NTRK2: variants seen among roughly 807,000 people sequenced by gnomAD.
NTRK2 encodes the protein BDNF/NT-3 growth factors receptor.
In NTRK2, 13 loss-of-function variants were observed where a neutral mutation model predicts 94.5. The observed-to-expected ratio is 0.14, with a 90% CI of 0.09 to 0.22. The LOEUF (loss-of-function observed/expected upper bound fraction) is 0.22, where lower values mean the gene tolerates loss of function less well. NTRK2 is among the 10% of genes least tolerant of loss of function. NTRK2 has a pLI of 1.00. For synonymous variants in NTRK2, 372 were observed against 407.4 expected (o/e 0.91, Z 1.05); for missense variants, 639 against 1,071.2 (o/e 0.60, Z 5.63).
chr9:84,945,568 C>T (rs1232337096), intron 15 of NTRK2, among the ~76,000 whole-genome samples: 2 of 152,160 alleles, frequency 1.3e-5, no homozygotes, highest in Non-Finnish European at 2.9e-5. Context: ...GAGATAAGCA[C>T]ATCACTTCTC....
intron 12 of NTRK2, among the ~76,000 whole-genome samples, chr9:84,781,812 T>C (rs1430106666): frequency 1.3e-5 from 2 of 151,884 alleles, no homozygotes; most frequent in Admixed American, 1.3e-4. Flanking sequence ...ATTGGGAGGG[T>C]CAAAACATTC....
chr9:84,914,867 A>G (rs2077347873), intron 14 of NTRK2, among the ~76,000 whole-genome samples: 1 of 152,062 alleles, frequency 6.6e-6, no homozygotes, highest in Non-Finnish European at 1.5e-5. Context: ...CCTTCTCTTC[A>G]CCTTTCAGTC....
intron 8 of NTRK2, 109 bp from the exon 9 acceptor site, chr9:84,727,545 C>T: frequency 9.0e-7 from 1 of 1,107,810 alleles, no homozygotes; most frequent in Non-Finnish European, 1.3e-6. Flanking sequence ...ATGTGTTTTT[C>T]TAAGCCAAAC....
intron 17 of NTRK2, among the ~76,000 whole-genome samples, chr9:84,983,270 G>A (rs1827874274): frequency 6.6e-6 from 1 of 152,176 alleles, no homozygotes; most frequent in African/African-American, 2.4e-5. Flanking sequence ...AGCATAAGGT[G>A]AGGCATACAA....
intron 17 of NTRK2, among the ~76,000 whole-genome samples, chr9:84,998,389 G>C (rs1210849798): frequency 1.3e-5 from 2 of 152,116 alleles, no homozygotes; most frequent in Non-Finnish European, 2.9e-5. Flanking sequence ...AGCTGCACCG[G>C]CCCAGGTCTA....
intron 12 of NTRK2, chr9:84,812,911 C>T: frequency 9.7e-7 from 1 of 1,033,308 alleles, no homozygotes; most frequent in South Asian, 4.6e-5. Flanking sequence ...ATGAAAACAG[C>T]AGGCTATTAG....
At chr9:84,834,792 A>G (rs777190721) in intron 12 of NTRK2, among the ~76,000 whole-genome samples, 3 of 152,184 alleles carry the variant, frequency 2.0e-5, no homozygotes, top group Non-Finnish European at 2.9e-5. Flanking sequence ...CTGTGCTGTC[A>G]TATAGCTTAG....
intron 14 of NTRK2, among the ~76,000 whole-genome samples, chr9:84,894,367 C>T (rs756658740): frequency 1.1e-4 from 17 of 152,190 alleles, no homozygotes; most frequent in East Asian, 1.9e-4. Context: ...TAGCTTTGTG[C>T]GTTATTGGGA....
chr9:84,837,142 A>G (rs774017091), intron 12 of NTRK2, among the ~76,000 whole-genome samples: 16 of 152,170 alleles, frequency 1.1e-4, no homozygotes, highest in Non-Finnish European at 1.8e-4. Flanking sequence ...TTGAGTGTCT[A>G]TACCATGTCA....
At chr9:84,755,193 G>T (rs1233720458) in intron 12 of NTRK2, among the ~76,000 whole-genome samples, 1 of 152,182 alleles carries the variant, frequency 6.6e-6, no homozygotes, top group Non-Finnish European at 1.5e-5. Context: ...GGGTCTGCAG[G>T]TCTGTAAGCT....
At chr9:84,920,667 C>G (rs983139895) in intron 14 of NTRK2, among the ~76,000 whole-genome samples, 1 of 152,210 alleles carries the variant, frequency 6.6e-6, no homozygotes, top group Non-Finnish European at 1.5e-5. Context: ...GCCCCCATCT[C>G]CCTTCCAGAA....
intron 2 of NTRK2, among the ~76,000 whole-genome samples, chr9:84,694,233 G>A (rs907078528): frequency 3.9e-5 from 6 of 152,238 alleles, no homozygotes; most frequent in Admixed American, 3.9e-4. Context: ...CCCCAGTTTT[G>A]TCTTCTGAAA....
In NTRK2 at chr9:85,003,211, G is replaced by A. The variant is rs561828213; in HGVS notation, c.2173-16995G>A. Among the ~76,000 whole-genome samples the A allele has an allele frequency of 2.6e-3, 393 of 152,296 alleles. 2 individuals are homozygous for A. Among genetic ancestry groups the A allele is most frequent in the Admixed American group, 5.0e-3 (77 of 15,304 alleles). ...TAAAAAGGGATGCAGTGCATTCCTG[G>A]AGGCCAGCATGGAGGAAGCAGTCAT... On this transcript the variant is annotated intron_variant, in intron 17 of 18. Coordinates refer to ENST00000277120, the MANE Select transcript of NTRK2 (RefSeq NM_006180.6).
intron 17 of NTRK2, among the ~76,000 whole-genome samples, chr9:85,013,667 T>C (rs1831890082): frequency 6.6e-6 from 1 of 152,200 alleles, no homozygotes; most frequent in Non-Finnish European, 1.5e-5. Flanking sequence ...GGTTCATGAA[T>C]TTTTAAGGAA....
intron 9 of NTRK2, among the ~76,000 whole-genome samples, chr9:84,735,325 AC>A (rs2063178621): frequency 6.6e-6 from 1 of 152,164 alleles, no homozygotes; most frequent in Admixed American, 6.5e-5. Flanking sequence ...ACTCCTGGGG[AC>A]CCTGTTAAAA....
intron 12 of NTRK2, among the ~76,000 whole-genome samples, chr9:84,793,207 C>T (rs2068911440): frequency 6.6e-6 from 1 of 151,906 alleles, no homozygotes; most frequent in African/African-American, 2.4e-5. Context: ...GCCCACTTTG[C>T]TATTTTCAAA....
intron 15 of NTRK2, among the ~76,000 whole-genome samples, chr9:84,937,322 G>T (rs1289449627): frequency 6.6e-6 from 1 of 152,184 alleles, no homozygotes; most frequent in African/African-American, 2.4e-5. Flanking sequence ...CTGCTGCATT[G>T]ATTATGCATG....
chr9:84,727,979 G>A lies in NTRK2; in HGVS notation c.1159+20G>A, dbSNP rs536698982. On this transcript the variant is annotated intron_variant, in intron 9 of 18. Coordinates refer to ENST00000277120, the MANE Select transcript of NTRK2 (RefSeq NM_006180.6). Reference sequence around the variant, plus strand: ...ACGATGGTGAGTAACTGACACTTTTGTATGTGGGGAGAAGATAAAGTCTAT... The same window carrying A: ...ACGATGGTGAGTAACTGACACTTTTATATGTGGGGAGAAGATAAAGTCTAT... The A allele has an allele frequency of 1.2e-5, 19 of 1,607,904 alleles. 2 individuals are homozygous for A. In the South Asian group the frequency reaches 2.0e-4, roughly 17 times the overall value.
At chr9:85,016,838 A>T (rs928829468) in intron 17 of NTRK2, among the ~76,000 whole-genome samples, 1 of 152,192 alleles carries the variant, frequency 6.6e-6, no homozygotes, top group African/African-American at 2.4e-5. Context: ...AGCATTATTT[A>T]TAACAGCATG....
Sources: allele counts gnomAD v4.1 joint callset (sites outside exome capture counted in the v4.1 genomes callset), GRCh38; gene constraint gnomAD v4.1.1; transcripts MANE v1.5; gene names NCBI Gene and HGNC (gene_info 2026-07-23, HGNC 2026-07-21).